NRXN3: variants seen among roughly 807,000 people sequenced by gnomAD.
NRXN3 encodes neurexin 3.
NRXN3 carries 32 observed loss-of-function variants against 137.6 expected under a neutral mutation model. The observed-to-expected ratio is 0.23, with a 90% confidence interval of 0.18 to 0.31. NRXN3 has a LOEUF of 0.31. NRXN3 is among the 10% of genes least tolerant of loss of function. The probability of loss-of-function intolerance (pLI) is 1.00; values close to 1 mark genes in which losing one functional copy is unlikely to be tolerated. For missense variants in NRXN3, 1,574 were observed against 2,062.5 expected (o/e 0.76, Z 4.59); for synonymous variants, 798 against 784.5 (o/e 1.02, Z -0.29).
intron 17 of NRXN3, among the ~76,000 whole-genome samples, chr14:79,676,342 C>A (rs1426558374): frequency 8.1e-6 from 1 of 122,978 alleles, no homozygotes; most frequent in African/African-American, 4.4e-5. Flanking sequence ...TGACCTACAT[C>A]CTCTATTCCC....
At chr14:79,039,947 T>A (rs1217950547) in intron 15 of NRXN3, among the ~76,000 whole-genome samples, 1 of 152,142 alleles carries the variant, frequency 6.6e-6, no homozygotes, top group East Asian at 1.9e-4. Context: ...CAAATGATCT[T>A]CCTGCCTCAG....
intron 15 of NRXN3, among the ~76,000 whole-genome samples, chr14:79,318,029 TG>T (rs1053352644): frequency 1.3e-5 from 2 of 152,202 alleles, no homozygotes; most frequent in African/African-American, 4.8e-5. Flanking sequence ...CAAGTTAGAC[TG>T]GGCAAGAAAT....
intron 4 of NRXN3, among the ~76,000 whole-genome samples, chr14:78,624,523 G>T: frequency 6.6e-6 from 1 of 152,324 alleles, no homozygotes; most frequent in East Asian, 1.9e-4. Flanking sequence ...GCGGGGCCAG[G>T]TGCTGGATCC....
chr14:79,334,413 C>A lies in NRXN3; in HGVS notation c.3263-132808C>A, dbSNP rs374842921. ...GGATATCCAAGAAGAGCATTCCATG[C>A]TGAGGAAATAGCAGGTATAATCACC... On this transcript the variant is annotated intron_variant, in intron 15 of 20. Coordinates refer to ENST00000335750, the MANE Select transcript of NRXN3 (RefSeq NM_001330195.2). 1.2e-3 allele frequency among the ~76,000 whole-genome samples: 186 copies of A among 152,156 alleles called. 1 individual carries two copies. Among genetic ancestry groups the A allele is most frequent in the Admixed American group, 2.6e-3 (40 of 15,272 alleles).
At position 78,476,416 on chromosome 14, in the gene NRXN3, G is replaced by A. The variant is rs115593694; in HGVS notation, c.758-168704G>A. Among the ~76,000 whole-genome samples, 950 of 152,272 alleles carry A rather than the reference G, an allele frequency of 6.2e-3. 6 individuals carry two copies. Among genetic ancestry groups the A allele is most frequent in the African/African-American group, 0.022 (896 of 41,550 alleles). On this transcript the variant is annotated intron_variant, in intron 4 of 20. Coordinates refer to ENST00000335750, the MANE Select transcript of NRXN3 (RefSeq NM_001330195.2). Reference sequence around the variant, plus strand: ...GCCAGCTATGCAGAAAGCATCACAGGCCAAGTGGGGAGGGCACACGGGTGA... The same window carrying A: ...GCCAGCTATGCAGAAAGCATCACAGACCAAGTGGGGAGGGCACACGGGTGA...
At chr14:79,389,068 G>T (rs1219736352) in intron 15 of NRXN3, among the ~76,000 whole-genome samples, 2 of 152,140 alleles carry the variant, frequency 1.3e-5, no homozygotes, top group Non-Finnish European at 2.9e-5. Context: ...CCTAGTCTCA[G>T]GTATGTCTTT....
chr14:79,284,197 C>T (rs1161998570), intron 15 of NRXN3, among the ~76,000 whole-genome samples: 2 of 149,910 alleles, frequency 1.3e-5, no homozygotes, highest in African/African-American at 4.9e-5. Flanking sequence ...GGTCATTGGA[C>T]CTTTAAGAAA....
chr14:79,379,399 TA>T (rs2094400346), intron 15 of NRXN3, among the ~76,000 whole-genome samples: 1 of 152,018 alleles, frequency 6.6e-6, no homozygotes. Context: ...GCCAGGTGAG[TA>T]TTGAGGTTGA....
intron 15 of NRXN3, among the ~76,000 whole-genome samples, chr14:79,151,303 A>G (rs1222511197): frequency 3.9e-5 from 6 of 152,078 alleles, no homozygotes; most frequent in African/African-American, 1.4e-4. Flanking sequence ...CCTATTGTAT[A>G]CTTGCTGAAG....
At chr14:78,526,084 G>A (rs2096374242) in intron 4 of NRXN3, among the ~76,000 whole-genome samples, 1 of 152,182 alleles carries the variant, frequency 6.6e-6, no homozygotes, top group Admixed American at 6.5e-5. Flanking sequence ...TGTGGCCAGA[G>A]AATGAAAGCC....
At chr14:78,362,733 T>G (rs186928750) in intron 4 of NRXN3, among the ~76,000 whole-genome samples, 13 of 152,366 alleles carry the variant, frequency 8.5e-5, no homozygotes. Flanking sequence ...CCAAGCTCAC[T>G]GTTTTCCCTA....
In NRXN3 at chr14:78,947,856, A is replaced by G. The variant is rs529581186; in HGVS notation, c.2276-9386A>G. ...ATCTGTGGAGTCAGGACAGGCAGCTATCTAGGTTAATGGGAAGCAATCTAT... is the reference window on the plus strand; with the variant it reads ...ATCTGTGGAGTCAGGACAGGCAGCTGTCTAGGTTAATGGGAAGCAATCTAT... On this transcript the variant is annotated intron_variant, in intron 10 of 20. Transcript: ENST00000335750. Among the ~76,000 whole-genome samples, 4 of 152,308 alleles carry G rather than the reference A, an allele frequency of 2.6e-5. No individual in the cohort carries two copies. The South Asian group carries it at 8.3e-4, about 32-fold the overall frequency.
chr14:79,592,420 C>G (rs1411752565), intron 16 of NRXN3, among the ~76,000 whole-genome samples: 4 of 152,084 alleles, frequency 2.6e-5, no homozygotes, highest in Non-Finnish European at 5.9e-5. Flanking sequence ...TTTTTGCATT[C>G]TTCAATTATT....
chr14:78,756,648 T>TA lies in NRXN3; in HGVS notation c.2044+41514dup, dbSNP rs567848039. ...TCTCCCTCACCCTTGCTCCAACTTTTAAAAATTGACTTTGTTTAAAAAACA... is the reference window on the plus strand; with the variant it reads ...TCTCCCTCACCCTTGCTCCAACTTTTAAAAAATTGACTTTGTTTAAAAAACA... On this transcript the variant is annotated intron_variant, in intron 8 of 20. Coordinates refer to ENST00000335750, the MANE Select transcript of NRXN3 (RefSeq NM_001330195.2). 1.2e-3 allele frequency among the ~76,000 whole-genome samples: 181 copies of TA among 152,146 alleles called. 9 individuals carry two copies. In the South Asian group the frequency reaches 0.035, roughly 29 times the overall value.
At position 79,434,597 on chromosome 14, in the gene NRXN3, T is replaced by C. The variant is rs76152009; in HGVS notation, c.3263-32624T>C. Reference sequence around the variant, plus strand: ...CGTATTCTCTTCATAAGAAACACTATGCAAATGAATCGCAAAGCGTGAGAG... The same window carrying C: ...CGTATTCTCTTCATAAGAAACACTACGCAAATGAATCGCAAAGCGTGAGAG... On this transcript the variant is annotated intron_variant, in intron 15 of 20. Coordinates refer to ENST00000335750, the MANE Select transcript of NRXN3 (RefSeq NM_001330195.2). 1.9e-3 allele frequency among the ~76,000 whole-genome samples: 287 copies of C among 152,302 alleles called. 3 individuals carry two copies. The highest frequency in any genetic ancestry group is 6.8e-3 in the African/African-American group (282 of 41,560).
intron 4 of NRXN3, among the ~76,000 whole-genome samples, chr14:78,298,253 G>C (rs927620079): frequency 6.6e-6 from 1 of 152,196 alleles, no homozygotes; most frequent in African/African-American, 2.4e-5. Flanking sequence ...GCTCCAGGCT[G>C]GGGGAGAGGA....
At chr14:79,511,427 G>C (rs2096931378) in intron 16 of NRXN3, among the ~76,000 whole-genome samples, 1 of 152,190 alleles carries the variant, frequency 6.6e-6, no homozygotes, top group South Asian at 2.1e-4. Flanking sequence ...TGATCCCCAT[G>C]TTCTAGGTGC....
chr14:79,539,876 C>T (rs2153732237), intron 16 of NRXN3, among the ~76,000 whole-genome samples: 1 of 152,274 alleles, frequency 6.6e-6, no homozygotes, highest in African/African-American at 2.4e-5. Context: ...ATGTTTCTGT[C>T]TGGTGCCTAC....
chr14:78,610,024 G>C (rs1176351795), intron 4 of NRXN3, among the ~76,000 whole-genome samples: 7 of 151,408 alleles, frequency 4.6e-5, no homozygotes. Flanking sequence ...GGAGAGGGAG[G>C]AGAGAGGGAG....
Sources: gnomAD v4.1 joint callset for allele counts (sites outside exome capture counted in the v4.1 genomes callset) on GRCh38, gnomAD v4.1.1 for gene constraint, MANE v1.5 for transcripts, NCBI Gene and HGNC (gene_info 2026-07-23, HGNC 2026-07-21) for gene names.